The following PSD3 variants were observed in gnomAD, a reference collection of about 807,000 sequenced individuals.
PSD3 encodes the protein pleckstrin and Sec7 domain containing 3.
Under a neutral mutation model 105.5 loss-of-function variants are expected in PSD3, and 49 were observed. The observed-to-expected ratio is 0.46, with a 90% CI of 0.37 to 0.59. PSD3 has a LOEUF of 0.59. PSD3 is among the 20% of genes least tolerant of loss of function. The pLI, the probability that PSD3 is intolerant of heterozygous loss-of-function variation, is 0.00. For missense variants in PSD3, 1,561 were observed against 1,263.8 expected, an observed-to-expected ratio of 1.24 and a Z score of -3.57; for synonymous variants, 557 against 457.8, an observed-to-expected ratio of 1.22 and a Z score of -2.77.
chr8:18,958,632 C>G lies in PSD3; in HGVS notation c.22-22490G>C, dbSNP rs553118229. Among the ~76,000 whole-genome samples, 4 of 152,202 alleles carry G rather than the reference C, an allele frequency of 2.6e-5. No individual in the cohort carries two copies. The South Asian group carries it at 8.3e-4, about 32-fold the overall frequency. On this transcript the variant is annotated intron_variant, in intron 1 of 15. Transcript: ENST00000327040. ...CCAACTTGGCTTTATCCTAAGAATG[C>G]CAAGCTGTTTTAATTTTAGAACTCA...
intron 15 of PSD3, among the ~76,000 whole-genome samples, chr8:18,540,483 G>T (rs1450151703): frequency 1.3e-5 from 2 of 152,298 alleles, no homozygotes; most frequent in East Asian, 3.9e-4. Flanking sequence ...TTCTTAAGTG[G>T]TGAAGAAGGA....
intron 2 of PSD3, among the ~76,000 whole-genome samples, chr8:18,932,353 C>G (rs925308476): frequency 1.3e-5 from 2 of 152,176 alleles, no homozygotes; most frequent in Non-Finnish European, 2.9e-5. Flanking sequence ...CCACAGACAG[C>G]TGTGAGAAGT....
At chr8:18,662,464 T>C (rs568867799) in intron 9 of PSD3, among the ~76,000 whole-genome samples, 28 of 152,334 alleles carry the variant, frequency 1.8e-4, no homozygotes, top group African/African-American at 6.5e-4. Context: ...GTATCTAATA[T>C]GTGACATTAT....
At position 18,936,047 on chromosome 8, in the gene PSD3, T is replaced by C. The variant is rs1366668775; in HGVS notation, c.117A>G (p.Lys39=). The part of the protein sequence containing the change: ...YEFLFGRSEG[K]APDTSDHGGS... ...GGAAATACTTACTAGTATCTGGAGC[T>C]TTCCCTTCAGATCTGCCAAATAAAA... The change falls in exon 2 of 16, where the codon AAA becomes AAG. Residue 39 remains lysine, a synonymous_variant. Coordinates refer to ENST00000327040, the MANE Select transcript of PSD3 (RefSeq NM_015310.4). 2 of 1,607,730 alleles carry C rather than the reference T, an allele frequency of 1.2e-6. No individual in the cohort carries two copies. The highest frequency in any genetic ancestry group is 2.2e-5 in the East Asian group (1 of 44,840).
At chr8:18,902,712 A>AC (rs1819586551) in intron 2 of PSD3, among the ~76,000 whole-genome samples, 4 of 152,178 alleles carry the variant, frequency 2.6e-5, no homozygotes, top group Admixed American at 2.0e-4. Context: ...GTTGGAAAGA[A>AC]TGTGGTAACT....
At chr8:18,705,635 T>A (rs1033127471) in intron 9 of PSD3, among the ~76,000 whole-genome samples, 1 of 151,786 alleles carries the variant, frequency 6.6e-6, no homozygotes, top group South Asian at 2.1e-4. Context: ...CATATTGATA[T>A]GTAAAGATCT....
At chr8:18,974,351 T>A (rs1824812180) in intron 1 of PSD3, among the ~76,000 whole-genome samples, 1 of 152,218 alleles carries the variant, frequency 6.6e-6, no homozygotes, top group Non-Finnish European at 1.5e-5. Context: ...GCACTCCAAC[T>A]AGGCTCTGAC....
At chr8:18,947,662 T>C (rs6990715) in intron 1 of PSD3, among the ~76,000 whole-genome samples, 97,122 of 152,026 alleles carry the variant, frequency 0.64, 31,267 homozygotes, top group Non-Finnish European at 0.66. Context: ...CTTTAACAGG[T>C]TCAAATGAAT....
rs184628988 is a variant in PSD3, at chr8:18,950,438, G to A, written c.22-14296C>T. 1.4e-3 allele frequency among the ~76,000 whole-genome samples: 209 copies of A among 152,144 alleles called. 1 individual carries two copies. Among genetic ancestry groups the A allele is most frequent in the African/African-American group, 4.7e-3 (197 of 41,508 alleles). ...ATTAAAATTATATTCAAGGTGCTCTGCAATAGAGCTCAAAAAAGAAACAAA... is the reference window on the plus strand; with the variant it reads ...ATTAAAATTATATTCAAGGTGCTCTACAATAGAGCTCAAAAAAGAAACAAA... On this transcript the variant is annotated intron_variant, in intron 1 of 15. Transcript: ENST00000327040.
In PSD3 at chr8:18,726,253, G is replaced by A. The variant is rs1231654578; in HGVS notation, c.2172+39196C>T. ...TTGTAGACCAGCCTACACTGACATC[G>A]ATGAGCTAGTGAGATATTGCCAAGT... On this transcript the variant is annotated intron_variant, in intron 9 of 15. Transcript: ENST00000327040. Among the ~76,000 whole-genome samples, 3 of 152,164 alleles carry A rather than the reference G, an allele frequency of 2.0e-5. No individual in the cohort carries two copies. The South Asian group carries it at 6.2e-4, about 32-fold the overall frequency.
intron 9 of PSD3, among the ~76,000 whole-genome samples, chr8:18,751,873 C>T (rs974553195): frequency 1.3e-4 from 19 of 148,630 alleles, no homozygotes; most frequent in African/African-American, 4.1e-4. Context: ...GCCTAACAGG[C>T]CAAATAAACA....
At chr8:18,698,022 T>C (rs373529617) in intron 9 of PSD3, among the ~76,000 whole-genome samples, 3 of 152,284 alleles carry the variant, frequency 2.0e-5, no homozygotes, top group East Asian at 1.9e-4. Flanking sequence ...AAAAGAGAAT[T>C]TGCAGATGTG....
chr8:18,600,921 C>T lies in PSD3; in HGVS notation c.2411-487G>A, dbSNP rs77845026. Reference sequence around the variant, plus strand: ...GACCACTTTTGGCATTTCTCCCATACCCCCCTCAACCAGAGTGCAAGTTTA... The same window carrying T: ...GACCACTTTTGGCATTTCTCCCATATCCCCCTCAACCAGAGTGCAAGTTTA... On this transcript the variant is annotated intron_variant, in intron 11 of 15. Coordinates refer to ENST00000327040, the MANE Select transcript of PSD3 (RefSeq NM_015310.4). 7.2e-3 allele frequency among the ~76,000 whole-genome samples: 1,099 copies of T among 152,246 alleles called. 15 individuals carry two copies. The highest frequency in any genetic ancestry group is 0.025 in the African/African-American group (1,049 of 41,530).
chr8:19,024,872 G>A (rs926369149), intron 1 of PSD3, among the ~76,000 whole-genome samples: 1 of 152,088 alleles, frequency 6.6e-6, no homozygotes, highest in Non-Finnish European at 1.5e-5. Flanking sequence ...CCTTTCATTT[G>A]GCTGTTCCCG....
intron 9 of PSD3, among the ~76,000 whole-genome samples, chr8:18,728,894 C>T (rs1425650187): frequency 2.0e-5 from 3 of 152,082 alleles, no homozygotes; most frequent in South Asian, 2.1e-4. Context: ...AGAGGGTGGA[C>T]GCCTCACATG....
intron 9 of PSD3, among the ~76,000 whole-genome samples, chr8:18,705,834 T>C (rs1344174059): frequency 3.3e-5 from 5 of 152,184 alleles, no homozygotes; most frequent in African/African-American, 9.6e-5. Context: ...AATGTGGTTG[T>C]TGTATTGCTA....
At chr8:18,976,288 A>G (rs1324168945) in intron 1 of PSD3, among the ~76,000 whole-genome samples, 1 of 152,246 alleles carries the variant, frequency 6.6e-6, no homozygotes, top group African/African-American at 2.4e-5. Context: ...CAAATGCCCA[A>G]TAAAGATACA....
chr8:18,955,602 T>C (rs2129470510), intron 1 of PSD3, among the ~76,000 whole-genome samples: 1 of 152,276 alleles, frequency 6.6e-6, no homozygotes, highest in South Asian at 2.1e-4. Flanking sequence ...GAAAATCTCC[T>C]AGAGGAGACA....
chr8:19,041,725 T>C lies in PSD3; in HGVS notation c.324+42481A>G, dbSNP rs76661567. Among the ~76,000 whole-genome samples the C allele has an allele frequency of 2.0e-5, 3 of 152,356 alleles. No homozygotes were observed. In the East Asian group the frequency reaches 5.8e-4, roughly 29 times the overall value. ...AATAGATGACACAAGACTAGGGATG[T>C]GTCCAGACATGTTCTGAACAACAAG... On this transcript the variant is annotated intron_variant, in intron 1 of 1. Transcript: ENST00000521475.
Sources: gnomAD v4.1 joint callset for allele counts (sites outside exome capture counted in the v4.1 genomes callset) on GRCh38, gnomAD v4.1.1 for gene constraint, MANE v1.5 for transcripts, NCBI Gene and HGNC (gene_info 2026-07-23, HGNC 2026-07-21) for gene names.